USP25: variants seen among roughly 807,000 people sequenced by gnomAD.
The protein encoded by USP25 is ubiquitin specific peptidase 25, also known as ubiquitin carboxyl-terminal hydrolase 25.
In USP25, 85 loss-of-function variants were observed where a neutral mutation model predicts 158.5. That is an observed-to-expected ratio of 0.54 (90% CI 0.45 to 0.64). USP25 has a LOEUF of 0.64. USP25 is among the 30% of genes least tolerant of loss of function. The pLI is 0.00. For missense variants in USP25, 1,242 were observed against 1,327.3 expected, an observed-to-expected ratio of 0.94 and a Z score of 1.00; for synonymous variants, 464 against 460.4, an observed-to-expected ratio of 1.01 and a Z score of -0.10.
Position 15,833,519 on chromosome 21 carries a change from T to G in USP25, c.2165T>G (p.Leu722Trp). The change falls in exon 17 of 26, where the codon TTG becomes TGG. Residue 722 changes from leucine (L) to tryptophan (W), a missense_variant. Transcript: ENST00000400183. ...GAAAAGCTTTTAGCGTCTCAGAAAT[T>G]GAGAGAGTCAGAGACTTCTGTGACA... ...LQEKLLASQK[L>W]RESETSVTTA... The G allele has an allele frequency of 6.2e-7, 1 of 1,613,976 alleles. No individual in the cohort carries two copies.
At chr21:15,845,467 C>A (rs577119309) in intron 18 of USP25, among the ~76,000 whole-genome samples, 1 of 152,176 alleles carries the variant, frequency 6.6e-6, no homozygotes, top group African/African-American at 2.4e-5. Flanking sequence ...AATGATACTA[C>A]AGAATTATTA....
intron 5 of USP25, among the ~76,000 whole-genome samples, chr21:15,797,597 A>C (rs1298729232): frequency 6.6e-6 from 1 of 151,354 alleles, no homozygotes; most frequent in African/African-American, 2.4e-5. Context: ...AGGAAGTTCT[A>C]AGTATCCAGG....
chr21:15,763,722 CTTTA>C (rs768488820), intron 2 of USP25, among the ~76,000 whole-genome samples: 5 of 152,078 alleles, frequency 3.3e-5, no homozygotes, highest in African/African-American at 9.7e-5. Context: ...GCCTAGAGTT[CTTTA>C]TTTGTTTTTA....
At chr21:15,740,690 A>G (rs950854470) in intron 1 of USP25, among the ~76,000 whole-genome samples, 4 of 81,292 alleles carry the variant, frequency 4.9e-5, no homozygotes, top group African/African-American at 1.6e-4. Flanking sequence ...GTGCGTGTGT[A>G]TTTGTGTATG....
intron 14 of USP25, 133 bp downstream of exon 14, chr21:15,827,336 A>G: frequency 1.2e-6 from 1 of 815,122 alleles, no homozygotes; most frequent in Non-Finnish European, 1.9e-6. Flanking sequence ...AAAGGGTTTT[A>G]AGATAAACTA....
At position 15,859,396 on chromosome 21, in the gene USP25, C is replaced by T. The variant is rs552298517; in HGVS notation, c.2548-4872C>T. ...ATTTTTAGTAGAAATGGGGTTTCAC[C>T]GTGTTAGCCAGGGTGGTCTCAATCT... On this transcript the variant is annotated intron_variant, in intron 20 of 25. Coordinates refer to ENST00000400183, the MANE Select transcript of USP25 (RefSeq NM_001283041.3). Among the ~76,000 whole-genome samples the T allele has an allele frequency of 3.3e-5, 5 of 152,054 alleles. No homozygotes were observed. In the South Asian group the frequency reaches 6.2e-4, roughly 19 times the overall value.
intron 20 of USP25, among the ~76,000 whole-genome samples, chr21:15,859,261 T>C (rs8127734): frequency 0.31 from 46,003 of 150,786 alleles, 11,096 homozygotes; most frequent in African/African-American, 0.68. Flanking sequence ...GGTGCCATCT[T>C]GGCTCACTGC....
intron 4 of USP25, among the ~76,000 whole-genome samples, chr21:15,788,936 C>T (rs546550409): frequency 3.3e-5 from 5 of 152,154 alleles, no homozygotes; most frequent in Non-Finnish European, 7.4e-5. Context: ...ACACTTTGTG[C>T]CTCATTTGAT....
chr21:15,857,324 ATAT>A (rs2039201358), intron 20 of USP25, among the ~76,000 whole-genome samples: 1 of 152,250 alleles, frequency 6.6e-6, no homozygotes, highest in Admixed American at 6.5e-5. Context: ...TTTTGTGCAT[ATAT>A]TATTGAACAC....
intron 17 of USP25, among the ~76,000 whole-genome samples, chr21:15,839,842 G>A (rs1001361625): frequency 6.6e-6 from 1 of 152,064 alleles, no homozygotes; most frequent in Middle Eastern, 3.4e-3. Flanking sequence ...CTGTCATTAT[G>A]GCATGTTCAT....
chr21:15,791,743 G>A (rs1369971618), intron 5 of USP25, 79 bp downstream of exon 5: 4 of 1,457,778 alleles, frequency 2.7e-6, no homozygotes, highest in Non-Finnish European at 9.2e-7. Flanking sequence ...TTTAAGTTGT[G>A]TACTTTAAAG....
At chr21:15,745,473 CTTTT>C (rs11284817) in intron 1 of USP25, among the ~76,000 whole-genome samples, 1 of 112,980 alleles carries the variant, frequency 8.9e-6, no homozygotes, top group Non-Finnish European at 1.8e-5. Context: ...TTTTTCTTTT[CTTTT>C]TTTTTTTTTT....
At chr21:15,806,522 C>G (rs145522552) in intron 7 of USP25, among the ~76,000 whole-genome samples, 38 of 151,754 alleles carry the variant, frequency 2.5e-4, no homozygotes, top group African/African-American at 9.2e-4. Flanking sequence ...TTGTCTGGAG[C>G]CATGTATGTA....
rs1013766957 is a variant in USP25, at chr21:15,849,944, T to G, written c.2547+72T>G. ...AACTTCTTAAAATATTTTATTTCTT[T>G]GAATTCAGTTTGGTTTTCTGTATAA... is the stretch of plus-strand genomic sequence containing the variant. On this transcript the variant is annotated intron_variant, in intron 20 of 25. Transcript: ENST00000400183. 1.1e-5 allele frequency: 13 copies of G among 1,187,118 alleles called. No homozygotes were observed. In the East Asian group the frequency reaches 1.3e-4, roughly 12 times the overall value. The allele number at this position is 1,187,118 out of a possible 1,614,324, so 73.5% of individuals were successfully genotyped here.
intron 4 of USP25, among the ~76,000 whole-genome samples, chr21:15,786,501 C>G (rs1369232882): frequency 6.6e-6 from 1 of 152,048 alleles, no homozygotes; most frequent in Non-Finnish European, 1.5e-5. Context: ...TGCGATACAT[C>G]ACAGTAACAA....
At chr21:15,862,367 A>G (rs1964131038) in intron 20 of USP25, among the ~76,000 whole-genome samples, 4 of 152,052 alleles carry the variant, frequency 2.6e-5, no homozygotes, top group Admixed American at 2.6e-4. Context: ...GCATAATGCA[A>G]ACATTCCAAA....
intron 18 of USP25, among the ~76,000 whole-genome samples, chr21:15,844,075 A>T (rs978712854): frequency 6.6e-6 from 1 of 152,138 alleles, no homozygotes; most frequent in East Asian, 1.9e-4. Flanking sequence ...AGACTATATG[A>T]TATAGACAAA....
chr21:15,823,899 A>C (rs527722491), intron 10 of USP25, 140 bp from the exon 11 acceptor site: 3 of 783,212 alleles, frequency 3.8e-6, no homozygotes, highest in Non-Finnish European at 5.7e-6. Flanking sequence ...TTTTAACTAA[A>C]CTGTGTACCC....
At chr21:15,753,191 A>G (rs183564178) in intron 1 of USP25, among the ~76,000 whole-genome samples, 361 of 152,308 alleles carry the variant, frequency 2.4e-3, no homozygotes, top group African/African-American at 8.2e-3. Context: ...CTATGTCAGC[A>G]GGTAGGTCAC....
Sources: allele counts gnomAD v4.1 joint callset (sites outside exome capture counted in the v4.1 genomes callset), GRCh38; gene constraint gnomAD v4.1.1; transcripts MANE v1.5; gene names NCBI Gene and HGNC (gene_info 2026-07-23, HGNC 2026-07-21).